The following FBXW11 variants were observed in gnomAD, a reference collection of about 807,000 sequenced individuals.
FBXW11 encodes F-box/WD repeat-containing protein 11.
FBXW11 carries 19 observed loss-of-function variants against 77.6 expected under a neutral mutation model. That is an observed-to-expected ratio of 0.24 (90% CI 0.17 to 0.36). The LOEUF is 0.36. FBXW11 is among the 10% of genes least tolerant of loss of function. The pLI, the probability that FBXW11 is intolerant of heterozygous loss-of-function variation, is 1.00. For missense variants in FBXW11, 334 were observed against 704.2 expected (o/e 0.47, Z 5.95); for synonymous variants, 235 against 249.4 (o/e 0.94, Z 0.54).
chr5:171,977,583 G>C (rs2113467183), intron 1 of FBXW11: 1 of 451,490 alleles, frequency 2.2e-6, no homozygotes, highest in South Asian at 1.6e-5. Flanking sequence ...TGCCAATAAA[G>C]ACATACCTGA....
chr5:171,978,856 G>A (rs193169072), intron 1 of FBXW11, among the ~76,000 whole-genome samples: 7 of 152,200 alleles, frequency 4.6e-5, no homozygotes, highest in African/African-American at 1.4e-4. Flanking sequence ...AAAGAAATAC[G>A]AATAGCCACA....
At chr5:171,922,547 T>C (rs1761655427) in intron 2 of FBXW11, among the ~76,000 whole-genome samples, 1 of 152,220 alleles carries the variant, frequency 6.6e-6, no homozygotes, top group Admixed American at 6.5e-5. Flanking sequence ...AAGAAGGCCA[T>C]ATGTGCTCAT....
intron 1 of FBXW11, among the ~76,000 whole-genome samples, chr5:171,973,420 G>A (rs1055607029): frequency 1.4e-4 from 22 of 152,286 alleles, no homozygotes; most frequent in African/African-American, 5.3e-4. Context: ...CAAAAGACAA[G>A]CTAATGCAAT....
At chr5:171,895,960 A>G (rs1309949869) in intron 6 of FBXW11, among the ~76,000 whole-genome samples, 3 of 152,188 alleles carry the variant, frequency 2.0e-5, no homozygotes, top group African/African-American at 7.2e-5. Context: ...AAGAACACCC[A>G]GGCGAGATGA....
In FBXW11 at chr5:171,869,784, T is replaced by G. The variant is rs1561630535; in HGVS notation, c.1475A>C (p.Gln492Pro). 2 of 1,610,638 alleles carry G rather than the reference T, an allele frequency of 1.2e-6. No individual in the cohort carries two copies. Among genetic ancestry groups the G allele is most frequent in the African/African-American group, 2.7e-5 (2 of 74,900 alleles). Residue 492 changes from glutamine to proline, a missense_variant, in exon 12 of 14, where the codon CAA becomes CCA. By Grantham distance (76) the Gln-to-Pro change is moderately conservative. Around this residue, in one of 10 missense-constraint regions of FBXW11, gnomAD observed 30 missense variants for 50.7 expected, o/e 0.59. Coordinates refer to ENST00000517395, the MANE Select transcript of FBXW11 (RefSeq NM_001378974.1). This position sits in a 1 kb window ranked among gnomAD's most constrained non-coding sequence, Gnocchi z 4.1. ...TGGGGCTCGAGGGTCAAGAGCAGCT[T>G]GCAAGTCCCAAACTTTAATTTTCCT... ...YDGKIKVWDL[Q>P]AALDPRAPAS...
chr5:171,923,641 T>C (rs1393037532), intron 2 of FBXW11, among the ~76,000 whole-genome samples: 1 of 152,180 alleles, frequency 6.6e-6, no homozygotes, highest in Admixed American at 6.5e-5. Flanking sequence ...GTTTAAAATA[T>C]CAATTTAAGG....
At chr5:171,945,413 C>G (rs1762957697) in intron 2 of FBXW11, among the ~76,000 whole-genome samples, 1 of 152,196 alleles carries the variant, frequency 6.6e-6, no homozygotes, top group East Asian at 1.9e-4. Context: ...TGAATCGTGG[C>G]TCCACTACAT....
At chr5:171,942,064 GTTA>G (rs1168712459) in intron 2 of FBXW11, among the ~76,000 whole-genome samples, 1 of 151,442 alleles carries the variant, frequency 6.6e-6, no homozygotes, top group Non-Finnish European at 1.5e-5. Context: ...TTATAGAAAA[GTTA>G]TTAGTATAAC....
intron 2 of FBXW11, among the ~76,000 whole-genome samples, chr5:171,952,789 C>G (rs988127640): frequency 4.6e-5 from 7 of 151,772 alleles, no homozygotes; most frequent in African/African-American, 1.7e-4. Flanking sequence ...GGCCTGCAGG[C>G]CCCCAGGACG....
At chr5:171,957,746 C>A in intron 1 of FBXW11, 48 bp from the exon 2 acceptor site, 1 of 1,478,588 alleles carries the variant, frequency 6.8e-7, no homozygotes, top group Non-Finnish European at 9.5e-7. Context: ...TTAGAGGCCG[C>A]AACAAATCAC....
intron 7 of FBXW11, among the ~76,000 whole-genome samples, chr5:171,880,052 T>C (rs946891167): frequency 1.3e-5 from 2 of 152,222 alleles, no homozygotes; most frequent in African/African-American, 2.4e-5. Flanking sequence ...ATTCTGTGAA[T>C]TTTAAGATTT....
chr5:171,891,732 G>T, intron 6 of FBXW11, 128 bp from the exon 7 acceptor site: 1 of 830,560 alleles, frequency 1.2e-6, no homozygotes, highest in Non-Finnish European at 1.8e-6. Context: ...ATAACTGTCT[G>T]TGGATAGGAT....
chr5:171,876,209 G>T lies in FBXW11; in HGVS notation c.1221+76C>A. The stretch of plus-strand genomic sequence containing the variant: ...AAAGATCTTGCCAGGTACCAGGTTG[G>T]TATAAGCCACCTCTGCTTTGTCTCT... On this transcript the variant is annotated intron_variant, in intron 9 of 13. Transcript: ENST00000517395. This position sits in a 1 kb window ranked among gnomAD's most constrained non-coding sequence, Gnocchi z 4.2. 1 of 1,563,660 alleles carries T rather than the reference G, an allele frequency of 6.4e-7. No individual in the cohort carries two copies.
chr5:172,000,608 G>A (rs918992422), intron 1 of FBXW11, among the ~76,000 whole-genome samples: 1 of 152,090 alleles, frequency 6.6e-6, no homozygotes, highest in Non-Finnish European at 1.5e-5. Context: ...CCACACCATC[G>A]GTCTTGACTT....
At chr5:171,916,097 G>C (rs1305280637) in intron 2 of FBXW11, among the ~76,000 whole-genome samples, 1 of 151,684 alleles carries the variant, frequency 6.6e-6, no homozygotes, top group African/African-American at 2.4e-5. Context: ...TCGTGGGGTG[G>C]GGGGAGGTGG....
At chr5:171,886,153 C>T (rs959186944) in intron 7 of FBXW11, among the ~76,000 whole-genome samples, 7 of 152,124 alleles carry the variant, frequency 4.6e-5, no homozygotes, top group African/African-American at 1.7e-4. Flanking sequence ...AGTATTATTG[C>T]AGCACTATTC....
chr5:171,963,832 A>C (rs1217014973), intron 1 of FBXW11, among the ~76,000 whole-genome samples: 1 of 152,236 alleles, frequency 6.6e-6, no homozygotes, highest in Non-Finnish European at 1.5e-5. Context: ...CGATAAAAGA[A>C]GTCTGCTCAA....
chr5:171,958,842 A>G (rs1763750802), intron 1 of FBXW11, among the ~76,000 whole-genome samples: 1 of 152,160 alleles, frequency 6.6e-6, no homozygotes, highest in Non-Finnish European at 1.5e-5. Flanking sequence ...GAAGTCTTGG[A>G]CCCAAGCTCA....
chr5:171,894,208 G>C (rs546122435), intron 6 of FBXW11, among the ~76,000 whole-genome samples: 4 of 152,254 alleles, frequency 2.6e-5, no homozygotes, highest in East Asian at 1.9e-4. Flanking sequence ...AACATTAAAG[G>C]CTGGGCTATA....
Sources: allele counts gnomAD v4.1 joint callset (sites outside exome capture counted in the v4.1 genomes callset), GRCh38; gene constraint gnomAD v4.1.1; regional missense constraint gnomAD v4.1.1; non-coding constraint Gnocchi (gnomAD v3.1); transcripts MANE v1.5; gene names NCBI Gene and HGNC (gene_info 2026-07-23, HGNC 2026-07-21).